NF1: variants seen among roughly 807,000 people sequenced by gnomAD.
The protein encoded by NF1 is neurofibromin 1, also known as neurofibromin.
Under a neutral mutation model 325.7 loss-of-function variants are expected in NF1, and 122 were observed. That is an observed-to-expected ratio of 0.37 (90% CI 0.32 to 0.44). The LOEUF (loss-of-function observed/expected upper bound fraction) is 0.44. NF1 is among the 20% of genes least tolerant of loss of function. The probability of loss-of-function intolerance (pLI) is 1.00; values close to 1 mark genes in which losing one functional copy is unlikely to be tolerated. For synonymous variants in NF1, 1,091 were observed against 1,186.0 expected, an observed-to-expected ratio of 0.92 and a Z score of 1.65; for missense variants, 2,140 against 3,415.4, an observed-to-expected ratio of 0.63 and a Z score of 9.31.
chr17:31,258,238 T>G (rs1343683107), intron 31 of NF1, 106 bp from the exon 32 acceptor site: 13 of 1,181,862 alleles, frequency 1.1e-5, no homozygotes, highest in Non-Finnish European at 1.6e-5. Context: ...TCATGAGGAC[T>G]GATTGATTCA....
chr17:31,173,882 A>G (rs1312859993), intron 5 of NF1, among the ~76,000 whole-genome samples: 1 of 152,218 alleles, frequency 6.6e-6, no homozygotes, highest in Non-Finnish European at 1.5e-5. Context: ...AGATGTCATA[A>G]AGGTAAAGTT....
intron 12 of NF1, 111 bp downstream of exon 12, chr17:31,206,482 C>T (rs1439025828): frequency 7.3e-6 from 9 of 1,234,298 alleles, no homozygotes; most frequent in Non-Finnish European, 1.1e-5. Context: ...ATGGGTCCTT[C>T]ATTTCCTCTA....
At chr17:31,327,385 C>T (rs913152285) in intron 37 of NF1, 114 bp from the exon 38 acceptor site, 3 of 750,626 alleles carry the variant, frequency 4.0e-6, no homozygotes, top group South Asian at 3.0e-5. Flanking sequence ...GGTGGGAACT[C>T]TTCCTTAAAT....
At chr17:31,131,087 C>A (rs1915346370) in intron 1 of NF1, among the ~76,000 whole-genome samples, 1 of 152,312 alleles carries the variant, frequency 6.6e-6, no homozygotes, top group Admixed American at 6.5e-5. Context: ...CAAGACTGCC[C>A]TGCAGAGTTC....
At chr17:31,286,358 T>A (rs887112101) in intron 36 of NF1, among the ~76,000 whole-genome samples, 1 of 152,198 alleles carries the variant, frequency 6.6e-6, no homozygotes, top group Non-Finnish European at 1.5e-5. Flanking sequence ...GCTCCCAAAG[T>A]GCTTACAGGC....
intron 38 of NF1, among the ~76,000 whole-genome samples, chr17:31,329,294 T>C (rs949919548): frequency 6.6e-6 from 1 of 152,188 alleles, no homozygotes; most frequent in African/African-American, 2.4e-5. Context: ...CATTGAAAAA[T>C]ACAACCTTTT....
rs1328372570 is a variant in NF1 at position 31,374,735 on chromosome 17, C to T, written c.*580C>T. ...ACACCATAAAGCCACAGACAAGGTA[C>T]TTGGGGGGGAGGGCAGGGAAATTTC... On this transcript the variant is annotated 3_prime_UTR_variant, in exon 58 of 58. Coordinates refer to ENST00000358273, the MANE Select transcript of NF1 (RefSeq NM_001042492.3). The T allele has an allele frequency of 2.2e-5, 5 of 229,372 alleles. No individual in the cohort carries two copies. The highest frequency in any genetic ancestry group is 5.6e-5 in the Admixed American group (1 of 17,816). 14.2% of individuals were successfully genotyped at this position (229,372 alleles called of 1,614,324 possible).
At chr17:31,223,312 C>T in intron 15 of NF1, 132 bp from the exon 16 acceptor site, 2 of 1,094,814 alleles carry the variant, frequency 1.8e-6, no homozygotes, top group Non-Finnish European at 2.7e-6. Flanking sequence ...AACTGTTTCT[C>T]TAAAACCTTA....
In NF1 at chr17:31,357,308, C is replaced by T. The variant is rs786201367; in HGVS notation, c.7909C>T (p.Arg2637Ter). The T allele has an allele frequency of 1.9e-6, 3 of 1,613,968 alleles. No homozygotes were observed. The highest frequency in any genetic ancestry group is 2.2e-5 in the East Asian group (1 of 44,862). Residue 2637 changes from arginine to a stop codon, truncating the protein, a stop_gained, in exon 54 of 58, where the codon CGA (arginine) becomes TGA (stop). Coordinates refer to ENST00000358273, the MANE Select transcript of NF1 (RefSeq NM_001042492.3). LOFTEE classifies it high-confidence loss of function. ...VKYTTDEFDQ[R>*]ILYEYLAEAS... ...ATATACCACAGATGAGTTTGATCAA[C>T]GAATTCTTTATGAATACTTAGCAGA...
intron 1 of NF1, among the ~76,000 whole-genome samples, chr17:31,104,374 C>G (rs1912663930): frequency 6.6e-6 from 1 of 152,096 alleles, no homozygotes; most frequent in African/African-American, 2.4e-5. Context: ...AGTCAAGGGA[C>G]AGGAGGTATC....
At chr17:31,172,251 C>T (rs2143720510) in intron 5 of NF1, among the ~76,000 whole-genome samples, 1 of 152,108 alleles carries the variant, frequency 6.6e-6, no homozygotes, top group East Asian at 1.9e-4. Context: ...CACTTGAGCC[C>T]AGGAAGAGGT....
In NF1 at chr17:31,226,664, T is replaced by C. The variant is rs2151426122; in HGVS notation, c.2231T>C (p.Val744Ala). The C allele has an allele frequency of 6.2e-7, 1 of 1,613,848 alleles. No individual in the cohort carries two copies. The highest frequency in any genetic ancestry group is 8.5e-7 in the Non-Finnish European group (1 of 1,179,762). ...NYNTFMEFAS[V>A]SNMMSTGRAA... is the part of the protein sequence containing the mutation. ...AACACATTCATGGAGTTTGCCTCTG[T>C]CAGCAATATGATGTCAACAGGTAAA... Residue 744 changes from valine (V) to alanine (A), a missense_variant, in exon 18 of 58, where the codon GTC becomes GCC. Physicochemically the swap from Val to Ala is moderately conservative, Grantham distance 64. Around this residue, in one of 10 missense-constraint regions of NF1, gnomAD observed 380 missense variants for 639.3 expected, o/e 0.59. Coordinates refer to ENST00000358273, the MANE Select transcript of NF1 (RefSeq NM_001042492.3).
chr17:31,198,532 T>C (rs1269026336), intron 8 of NF1, among the ~76,000 whole-genome samples: 1 of 152,212 alleles, frequency 6.6e-6, no homozygotes, highest in Non-Finnish European at 1.5e-5. Context: ...GTTATCCAAA[T>C]TGTTGGCATA....
chr17:31,124,980 A>G (rs568898505), intron 1 of NF1, among the ~76,000 whole-genome samples: 1 of 152,114 alleles, frequency 6.6e-6, no homozygotes, highest in South Asian at 2.1e-4. Flanking sequence ...TATACTTAAA[A>G]AAAAAAAAAC....
At chr17:31,153,584 C>T (rs1917097243) in intron 1 of NF1, among the ~76,000 whole-genome samples, 1 of 152,272 alleles carries the variant, frequency 6.6e-6, no homozygotes, top group East Asian at 1.9e-4. Flanking sequence ...CTCCTTCCAC[C>T]TGCTTTCTCT....
intron 36 of NF1, among the ~76,000 whole-genome samples, chr17:31,274,836 C>G (rs1306321885): frequency 6.6e-6 from 1 of 152,142 alleles, no homozygotes; most frequent in Non-Finnish European, 1.5e-5. Context: ...TACACTTACA[C>G]AACTCTTTAT....
intron 29 of NF1, among the ~76,000 whole-genome samples, chr17:31,237,435 A>G (rs1179664445): frequency 6.6e-6 from 1 of 151,960 alleles, no homozygotes; most frequent in African/African-American, 2.4e-5. Context: ...CCACCATGCA[A>G]AATACAAAAT....
chr17:31,154,732 C>CTTTTT (rs71142026), intron 1 of NF1, among the ~76,000 whole-genome samples: 38 of 103,402 alleles, frequency 3.7e-4, no homozygotes, highest in South Asian at 9.0e-4. Flanking sequence ...TTAGTATTTC[C>CTTTTT]TTTTTTTTTT....
At chr17:31,237,729 C>T (rs2067228012) in intron 29 of NF1, among the ~76,000 whole-genome samples, 1 of 149,122 alleles carries the variant, frequency 6.7e-6, no homozygotes, top group Non-Finnish European at 1.5e-5. Context: ...ATTTTGTGCC[C>T]TACAATTTTA....
Sources: gnomAD v4.1 joint callset for allele counts (sites outside exome capture counted in the v4.1 genomes callset) on GRCh38, gnomAD v4.1.1 for gene constraint, gnomAD v4.1.1 regional missense constraint, MANE v1.5 for transcripts, NCBI Gene and HGNC (gene_info 2026-07-23, HGNC 2026-07-21) for gene names.